The following SDK1 variants were observed in gnomAD, a reference collection of about 807,000 sequenced individuals.
SDK1 encodes sidekick cell adhesion molecule 1, also known as protein sidekick-1.
A neutral mutation model predicts 245.5 loss-of-function variants in SDK1; 157 were observed. The ratio of observed to expected loss-of-function variants is 0.64; its 90% CI spans 0.56 to 0.73. SDK1 has a LOEUF of 0.73. SDK1 is among the 30% of genes least tolerant of loss of function. SDK1 has a pLI of 0.00. For missense variants in SDK1, 3,583 were observed against 3,002.3 expected, an observed-to-expected ratio of 1.19 and a Z score of -4.52; for synonymous variants, 1,647 against 1,278.5, an observed-to-expected ratio of 1.29 and a Z score of -6.15.
At chr7:3,639,169 A>C (rs938318107) in intron 3 of SDK1, 59 bp downstream of exon 3, 24 of 903,554 alleles carry the variant, frequency 2.7e-5, no homozygotes, top group Non-Finnish European at 3.8e-5. Context: ...CTGGGGAGTC[A>C]ATCAGAATCA....
chr7:3,489,084 A>G (rs771086379), intron 1 of SDK1, among the ~76,000 whole-genome samples: 1 of 152,130 alleles, frequency 6.6e-6, no homozygotes, highest in Non-Finnish European at 1.5e-5. Flanking sequence ...AGTCCAGGCT[A>G]GCGATACAGA....
intron 35 of SDK1, among the ~76,000 whole-genome samples, chr7:4,186,030 C>T (rs1562405153): frequency 6.6e-6 from 1 of 152,206 alleles, no homozygotes; most frequent in Non-Finnish European, 1.5e-5. Context: ...TCCAGAGGTG[C>T]CCGGCCCAGC....
intron 44 of SDK1, among the ~76,000 whole-genome samples, chr7:4,261,763 A>AG (rs1266988244): frequency 6.6e-6 from 1 of 151,808 alleles, no homozygotes; most frequent in African/African-American, 2.4e-5. Context: ...CTCTGGGGAG[A>AG]GGAAAAGGTC....
At chr7:3,438,254 T>G (rs1191472194) in intron 1 of SDK1, among the ~76,000 whole-genome samples, 1 of 152,272 alleles carries the variant, frequency 6.6e-6, no homozygotes, top group Non-Finnish European at 1.5e-5. Context: ...CCAATGAATA[T>G]GACTTCTGCA....
At chr7:4,067,152 G>A (rs565019977) in intron 19 of SDK1, among the ~76,000 whole-genome samples, 6 of 152,144 alleles carry the variant, frequency 3.9e-5, no homozygotes, top group South Asian at 2.1e-4. Context: ...CTAAGGTGTC[G>A]AGAGTGTAAT....
intron 1 of SDK1, among the ~76,000 whole-genome samples, chr7:3,482,423 C>A (rs899382811): frequency 6.6e-6 from 1 of 152,090 alleles, no homozygotes; most frequent in South Asian, 2.1e-4. Flanking sequence ...CAATAAAGCC[C>A]ATGGTTTCTA....
At chr7:3,891,362 A>G (rs1781454328) in intron 5 of SDK1, among the ~76,000 whole-genome samples, 1 of 152,100 alleles carries the variant, frequency 6.6e-6, no homozygotes, top group African/African-American at 2.4e-5. Flanking sequence ...GCTACCTCTG[A>G]GGAAGGTGCT....
chr7:4,129,671 G>A (rs537622109), intron 26 of SDK1: 3 of 1,381,794 alleles, frequency 2.2e-6, no homozygotes, highest in East Asian at 2.9e-5. Flanking sequence ...CAGGCAGCAG[G>A]CTCGCCAAGC....
At chr7:3,812,309 A>G (rs1429699245) in intron 4 of SDK1, among the ~76,000 whole-genome samples, 1 of 152,194 alleles carries the variant, frequency 6.6e-6, no homozygotes, top group East Asian at 1.9e-4. Context: ...TATCGACTAC[A>G]CACTGTTTGG....
At chr7:3,527,964 G>A (rs375442177) in intron 1 of SDK1, among the ~76,000 whole-genome samples, 45 of 150,724 alleles carry the variant, frequency 3.0e-4, no homozygotes, top group African/African-American at 1.0e-3. Context: ...TAGCTAGCGG[G>A]TGAGTGGTGG....
intron 1 of SDK1, among the ~76,000 whole-genome samples, chr7:3,527,928 G>C (rs1783202670): frequency 6.6e-6 from 1 of 150,986 alleles, no homozygotes; most frequent in African/African-American, 2.4e-5. Context: ...GCTAGGGGGT[G>C]AATGGTAGGA....
At chr7:3,755,304 T>C (rs1479670498) in intron 4 of SDK1, among the ~76,000 whole-genome samples, 19 of 152,016 alleles carry the variant, frequency 1.2e-4, no homozygotes, top group Non-Finnish European at 2.4e-4. Context: ...GGAGCGAAAA[T>C]AGGGACGACT....
At chr7:4,110,111 C>T (rs1584166080) in intron 22 of SDK1, among the ~76,000 whole-genome samples, 1 of 152,162 alleles carries the variant, frequency 6.6e-6, no homozygotes, top group Non-Finnish European at 1.5e-5. Context: ...GATCTGGCTT[C>T]CAGGGCAGAA....
intron 32 of SDK1, among the ~76,000 whole-genome samples, chr7:4,167,959 C>T (rs1049922711): frequency 1.3e-5 from 2 of 152,232 alleles, no homozygotes; most frequent in African/African-American, 2.4e-5. Context: ...TCCATGGAGC[C>T]GCCCTGCTGA....
chr7:3,432,913 A>G (rs1300394919), intron 1 of SDK1, among the ~76,000 whole-genome samples: 1 of 152,222 alleles, frequency 6.6e-6, no homozygotes, highest in African/African-American at 2.4e-5. Flanking sequence ...TCATTCTTGT[A>G]CAGATTCATA....
intron 1 of SDK1, among the ~76,000 whole-genome samples, chr7:3,492,715 C>T (rs1402192976): frequency 6.6e-6 from 1 of 152,152 alleles, no homozygotes; most frequent in African/African-American, 2.4e-5. Flanking sequence ...CATAACATCC[C>T]TGACAACCTG....
At chr7:4,051,154 ACATATAGT>A (rs1789441826) in intron 18 of SDK1, among the ~76,000 whole-genome samples, 2 of 139,912 alleles carry the variant, frequency 1.4e-5, no homozygotes, top group African/African-American at 5.3e-5. Flanking sequence ...TATAATATAT[ACATATAGT>A]ATATATGTAT....
chr7:3,554,867 G>A (rs1272527851), intron 1 of SDK1, among the ~76,000 whole-genome samples: 1 of 152,110 alleles, frequency 6.6e-6, no homozygotes, highest in African/African-American at 2.4e-5. Flanking sequence ...TAGGAATTAA[G>A]TTAACCAGAG....
chr7:3,610,258 C>T (rs369310832), intron 1 of SDK1, among the ~76,000 whole-genome samples: 1 of 152,196 alleles, frequency 6.6e-6, no homozygotes, highest in Non-Finnish European at 1.5e-5. Context: ...AACAGATAAG[C>T]AGGAGAAGGT....
Sources: gnomAD v4.1 joint callset for allele counts (sites outside exome capture counted in the v4.1 genomes callset) on GRCh38, gnomAD v4.1.1 for gene constraint, MANE v1.5 for transcripts, NCBI Gene and HGNC (gene_info 2026-07-23, HGNC 2026-07-21) for gene names.